Variants in ATP1B3 observed in about 807,000 individuals in gnomAD.
ATP1B3 encodes the protein ATPase Na+/K+ transporting subunit beta 3, also known as sodium/potassium-transporting ATPase subunit beta-3.
A neutral mutation model predicts 30.2 loss-of-function variants in ATP1B3; 10 were observed. That is an observed-to-expected ratio of 0.33 (90% CI 0.20 to 0.56). The LOEUF is 0.56. ATP1B3 is among the 20% of genes least tolerant of loss of function. ATP1B3 has a pLI of 0.90. For synonymous variants in ATP1B3, 113 were observed against 117.0 expected, an observed-to-expected ratio of 0.97 and a Z score of 0.22; for missense variants, 238 against 336.7, an observed-to-expected ratio of 0.71 and a Z score of 2.29.
chr3:141,918,736 C>T (rs1355245081), intron 5 of ATP1B3: 1 of 152,034 alleles, frequency 6.6e-6, no homozygotes, highest in African/African-American at 2.4e-5. Context: ...TGCACTCGGC[C>T]CCCTTAAGGT....
chr3:141,884,696 G>A (rs977931796), intron 1 of ATP1B3, among the ~76,000 whole-genome samples: 3 of 152,118 alleles, frequency 2.0e-5, no homozygotes, highest in Admixed American at 6.5e-5. Flanking sequence ...TCTTTCTCCC[G>A]TGCTGGATGC....
chr3:141,921,804 G>T (rs576303559), intron 5 of ATP1B3, 173 bp from the exon 6 acceptor site: 157 of 460,138 alleles, frequency 3.4e-4, no homozygotes, highest in Non-Finnish European at 5.6e-4. Context: ...GATAATATTT[G>T]CAATCAAGAT....
At chr3:141,916,044 T>G (rs373593164) in intron 5 of ATP1B3, 24 bp downstream of exon 5, 2 of 1,576,760 alleles carry the variant, frequency 1.3e-6, no homozygotes, top group Non-Finnish European at 1.7e-6. Context: ...AAGTAACTCC[T>G]GTTAAATCTT....
intron 1 of ATP1B3, among the ~76,000 whole-genome samples, chr3:141,895,299 C>G (rs1168300821): frequency 2.0e-5 from 3 of 151,406 alleles, no homozygotes; most frequent in African/African-American, 7.3e-5. Flanking sequence ...AGCAATTCTC[C>G]TGCCTCAGCC....
intron 4 of ATP1B3, among the ~76,000 whole-genome samples, chr3:141,915,181 CTG>C (rs1370484014): frequency 2.6e-5 from 4 of 152,116 alleles, no homozygotes; most frequent in Non-Finnish European, 5.9e-5. Context: ...TGATAATGGC[CTG>C]AGACCATGCT....
chr3:141,895,838 G>A (rs1934055512), intron 1 of ATP1B3, among the ~76,000 whole-genome samples: 1 of 152,172 alleles, frequency 6.6e-6, no homozygotes, highest in Admixed American at 6.5e-5. Context: ...ATTCCCACCA[G>A]CAGGATGTGA....
At chr3:141,890,773 A>G (rs966251825) in intron 1 of ATP1B3, among the ~76,000 whole-genome samples, 14 of 151,612 alleles carry the variant, frequency 9.2e-5, no homozygotes, top group African/African-American at 3.2e-4. Flanking sequence ...GGGTTTTGCC[A>G]TGTTGCCCAG....
intron 1 of ATP1B3, among the ~76,000 whole-genome samples, chr3:141,898,871 A>G (rs966757453): frequency 1.3e-5 from 2 of 152,266 alleles, no homozygotes; most frequent in Non-Finnish European, 2.9e-5. Context: ...AAAATATTGT[A>G]TATCCATATA....
chr3:141,910,860 A>G (rs1470772001), intron 3 of ATP1B3, among the ~76,000 whole-genome samples: 4 of 148,936 alleles, frequency 2.7e-5, no homozygotes, highest in Non-Finnish European at 4.4e-5. Context: ...GTAATTTTAT[A>G]AGAAAAGACA....
intron 1 of ATP1B3, among the ~76,000 whole-genome samples, chr3:141,889,821 A>G (rs1297458408): frequency 2.1e-5 from 3 of 144,126 alleles, no homozygotes; most frequent in Non-Finnish European, 4.6e-5. Context: ...ATGTGTGTAT[A>G]TACATATACA....
At chr3:141,925,059 G>T (rs575079657) in intron 6 of ATP1B3, among the ~76,000 whole-genome samples, 1 of 152,284 alleles carries the variant, frequency 6.6e-6, no homozygotes, top group African/African-American at 2.4e-5. Flanking sequence ...GAGCTCAGGG[G>T]CATGAGCTGT....
intron 1 of ATP1B3, among the ~76,000 whole-genome samples, chr3:141,877,750 T>C (rs1933633297): frequency 6.6e-6 from 1 of 152,040 alleles, no homozygotes. Context: ...TTTTAATATA[T>C]TTAAACCATC....
chr3:141,887,475 T>C (rs1933858272), intron 1 of ATP1B3, among the ~76,000 whole-genome samples: 1 of 152,204 alleles, frequency 6.6e-6, no homozygotes, highest in Non-Finnish European at 1.5e-5. Context: ...AAAGGTAATA[T>C]GTGGCATATC....
chr3:141,885,880 AACACACAC>A (rs146684460), intron 1 of ATP1B3, among the ~76,000 whole-genome samples: 5,977 of 141,706 alleles, frequency 0.042, 350 homozygotes, highest in African/African-American at 0.14. Context: ...GCTGCGTTAA[AACACACAC>A]ACACACACAC....
intron 2 of ATP1B3, among the ~76,000 whole-genome samples, chr3:141,904,482 A>G (rs911685801): frequency 4.6e-5 from 7 of 152,042 alleles, no homozygotes; most frequent in Non-Finnish European, 7.4e-5. Context: ...TTGGACTTAT[A>G]AAATACATAC....
At chr3:141,924,128 G>C (rs186846496) in intron 6 of ATP1B3, among the ~76,000 whole-genome samples, 160 of 152,254 alleles carry the variant, frequency 1.1e-3, no homozygotes, top group African/African-American at 3.7e-3. Context: ...CGGATCACCT[G>C]AGGTGGAGAG....
intron 2 of ATP1B3, among the ~76,000 whole-genome samples, chr3:141,904,063 G>A (rs1017529568): frequency 6.6e-6 from 1 of 152,218 alleles, no homozygotes; most frequent in Non-Finnish European, 1.5e-5. Flanking sequence ...GGGATTACAG[G>A]CGTGAGCCAC....
chr3:141,921,394 C>T (rs1160340295), intron 5 of ATP1B3: 1 of 150,312 alleles, frequency 6.7e-6, no homozygotes, highest in Non-Finnish European at 1.5e-5. Flanking sequence ...TAAATTTATT[C>T]CTGATACAGT....
chr3:141,904,913 G>A (rs529386163), intron 2 of ATP1B3, among the ~76,000 whole-genome samples: 6 of 151,894 alleles, frequency 4.0e-5, no homozygotes, highest in South Asian at 2.1e-4. Context: ...GTTTCACCAC[G>A]TTGGCCAGGC....
Sources: allele counts gnomAD v4.1 joint callset (sites outside exome capture counted in the v4.1 genomes callset), GRCh38; gene constraint gnomAD v4.1.1; transcripts MANE v1.5; gene names NCBI Gene and HGNC (gene_info 2026-07-23, HGNC 2026-07-21).